Variants in CACNA1E observed in about 807,000 individuals in gnomAD.
The protein encoded by CACNA1E is voltage-dependent R-type calcium channel subunit alpha-1E.
In CACNA1E, 40 loss-of-function variants were observed where a neutral mutation model predicts 259.2. The observed-to-expected ratio is 0.15, with a 90% CI of 0.12 to 0.20. CACNA1E has a LOEUF of 0.20. Ranked by LOEUF, CACNA1E falls within the 10% of genes least tolerant of loss-of-function variation. The pLI, the probability that CACNA1E is intolerant of heterozygous loss-of-function variation, is 1.00. For synonymous variants in CACNA1E, 1,104 were observed against 1,138.5 expected (o/e 0.97, Z 0.61); for missense variants, 1,874 against 3,040.1 (o/e 0.62, Z 9.02).
chr1:181,337,096 A>G (rs1166146434), intron 1 of CACNA1E, among the ~76,000 whole-genome samples: 1 of 151,468 alleles, frequency 6.6e-6, no homozygotes, highest in Non-Finnish European at 1.5e-5. Flanking sequence ...AGCCAAGCAA[A>G]TTAACATATT....
intron 3 of CACNA1E, among the ~76,000 whole-genome samples, chr1:181,542,753 A>T (rs1430986056): frequency 1.3e-5 from 2 of 151,900 alleles, no homozygotes; most frequent in African/African-American, 4.8e-5. Flanking sequence ...TTATAGCAGT[A>T]TGAAATCGGA....
At chr1:181,593,855 G>C (rs767210082) in intron 6 of CACNA1E, among the ~76,000 whole-genome samples, 1 of 152,172 alleles carries the variant, frequency 6.6e-6, no homozygotes, top group African/African-American at 2.4e-5. Context: ...CTTAACCTTT[G>C]CAAGTGTTAG....
chr1:181,395,423 GGT>G (rs1475506211), intron 1 of CACNA1E, among the ~76,000 whole-genome samples: 1 of 152,106 alleles, frequency 6.6e-6, no homozygotes, highest in Non-Finnish European at 1.5e-5. Context: ...GGAGGCACCT[GGT>G]TATATGAGTC....
chr1:181,445,615 G>A (rs2102313805), intron 2 of CACNA1E, among the ~76,000 whole-genome samples: 1 of 152,360 alleles, frequency 6.6e-6, no homozygotes, highest in East Asian at 1.9e-4. Context: ...TACACCAGGA[G>A]TATGAGGTAC....
chr1:181,456,615 G>A (rs1301190615), intron 2 of CACNA1E, among the ~76,000 whole-genome samples: 1 of 152,184 alleles, frequency 6.6e-6, no homozygotes, highest in Non-Finnish European at 1.5e-5. Context: ...GCCTCCCTCT[G>A]GGGCTGCTAA....
intron 1 of CACNA1E, among the ~76,000 whole-genome samples, chr1:181,362,753 G>T (rs1017879626): frequency 1.1e-4 from 17 of 152,200 alleles, no homozygotes; most frequent in African/African-American, 4.1e-4. Context: ...ATAAGACTTA[G>T]AAACAAACAT....
At chr1:181,713,610 T>A (rs1022231111) in intron 8 of CACNA1E, among the ~76,000 whole-genome samples, 3 of 152,244 alleles carry the variant, frequency 2.0e-5, no homozygotes, top group African/African-American at 7.2e-5. Context: ...CCTCTCCTAC[T>A]GTCCTTTTAC....
At chr1:181,747,376 A>G (rs1657184512) in intron 25 of CACNA1E, among the ~76,000 whole-genome samples, 1 of 152,178 alleles carries the variant, frequency 6.6e-6, no homozygotes, top group South Asian at 2.1e-4. Flanking sequence ...TTACACATGA[A>G]AGATCTGGAG....
intron 18 of CACNA1E, among the ~76,000 whole-genome samples, chr1:181,730,782 G>T (rs1655395700): frequency 6.6e-6 from 1 of 152,218 alleles, no homozygotes; most frequent in Non-Finnish European, 1.5e-5. Flanking sequence ...GCTAGCCCTA[G>T]AAATGACTCG....
At chr1:181,382,257 A>G (rs530652053) in intron 1 of CACNA1E, among the ~76,000 whole-genome samples, 2 of 152,194 alleles carry the variant, frequency 1.3e-5, no homozygotes, top group Non-Finnish European at 2.9e-5. Flanking sequence ...TCAGGAGGGC[A>G]GTGTGGCTAG....
intron 39 of CACNA1E, among the ~76,000 whole-genome samples, chr1:181,782,988 C>A (rs1660552003): frequency 6.6e-6 from 1 of 152,064 alleles, no homozygotes; most frequent in Non-Finnish European, 1.5e-5. Context: ...CAAGGCCTGC[C>A]CACTCTGCTC....
chr1:181,425,988 T>C (rs1659161754), intron 2 of CACNA1E, among the ~76,000 whole-genome samples: 1 of 152,134 alleles, frequency 6.6e-6, no homozygotes, highest in African/African-American at 2.4e-5. Flanking sequence ...GATCAGGTGA[T>C]GAGGAACCTG....
intron 35 of CACNA1E, among the ~76,000 whole-genome samples, chr1:181,768,548 T>G (rs1659219669): frequency 6.6e-6 from 1 of 152,222 alleles, no homozygotes; most frequent in South Asian, 2.1e-4. Flanking sequence ...CTATACTGTG[T>G]CTCATCCCAC....
intron 1 of CACNA1E, among the ~76,000 whole-genome samples, chr1:181,386,645 A>C (rs1297024200): frequency 6.6e-6 from 1 of 152,204 alleles, no homozygotes; most frequent in African/African-American, 2.4e-5. Context: ...TAACTGAGGA[A>C]CTGAGTTTTA....
rs57151171 is a variant in CACNA1E, at chr1:181,717,043, G to A, written c.1316-50G>A. 2.1e-3 allele frequency: 3,153 copies of A among 1,526,144 alleles called. 50 individuals are homozygous for A. In the African/African-American group the frequency reaches 0.036, roughly 17 times the overall value. 94.5% of individuals were successfully genotyped at this position (1,526,144 alleles called of 1,614,324 possible). On this transcript the variant is annotated intron_variant, in intron 10 of 47. Coordinates refer to ENST00000367573, the MANE Select transcript of CACNA1E (RefSeq NM_001205293.3). ...TTGCCCTTCGAATGCTCCCTGGCCCGGACCACAGGATATTTTGCAGTCTCA... is the reference window on the plus strand; with the variant it reads ...TTGCCCTTCGAATGCTCCCTGGCCCAGACCACAGGATATTTTGCAGTCTCA...
At position 181,339,456 on chromosome 1, in the gene CACNA1E, A is replaced by G. The variant is rs1022560967; in HGVS notation, c.-15+21333A>G. 4.6e-5 allele frequency among the ~76,000 whole-genome samples: 7 copies of G among 152,144 alleles called. No homozygotes were observed. In the East Asian group the frequency reaches 7.7e-4, roughly 17 times the overall value. On this transcript the variant is annotated intron_variant, in intron 1 of 11. Coordinates refer to the CACNA1E transcript ENST00000524607. The stretch of plus-strand genomic sequence containing the variant: ...ACTTAACATAGTGTCTTCAGGCTTC[A>G]TTCATGTTATATCATGTGTCAGAAC...
At chr1:181,775,368 C>T (rs1659886164) in intron 37 of CACNA1E, among the ~76,000 whole-genome samples, 1 of 152,168 alleles carries the variant, frequency 6.6e-6, no homozygotes, top group Non-Finnish European at 1.5e-5. Context: ...TCGATTCCAC[C>T]TTTGTTAACT....
chr1:181,451,291 C>T (rs560922963), intron 2 of CACNA1E, among the ~76,000 whole-genome samples: 2 of 152,278 alleles, frequency 1.3e-5, no homozygotes, highest in East Asian at 3.9e-4. Context: ...AGTGCCCTTG[C>T]CATACCAGAT....
At chr1:181,375,517 T>A (rs1400990868) in intron 1 of CACNA1E, among the ~76,000 whole-genome samples, 1 of 152,178 alleles carries the variant, frequency 6.6e-6, no homozygotes, top group Non-Finnish European at 1.5e-5. Context: ...AAAGCAAACT[T>A]TTGTTTGGTG....
Sources: allele counts gnomAD v4.1 joint callset (sites outside exome capture counted in the v4.1 genomes callset), GRCh38; gene constraint gnomAD v4.1.1; transcripts MANE v1.5; gene names NCBI Gene and HGNC (gene_info 2026-07-23, HGNC 2026-07-21).